KIRREL1: variants seen among roughly 807,000 people sequenced by gnomAD.
The protein encoded by KIRREL1 is kin of IRRE-like protein 1.
A neutral mutation model predicts 83.3 loss-of-function variants in KIRREL1; 25 were observed. The ratio of observed to expected loss-of-function variants is 0.30; its 90% CI spans 0.22 to 0.42. The LOEUF (loss-of-function observed/expected upper bound fraction) is 0.42. Ranked by LOEUF, KIRREL1 falls within the 10% of genes least tolerant of loss-of-function variation. The probability of loss-of-function intolerance (pLI) is 1.00; values close to 1 mark genes in which losing one functional copy is unlikely to be tolerated. For synonymous variants in KIRREL1, 388 were observed against 410.4 expected (o/e 0.95, Z 0.66); for missense variants, 812 against 1,032.3 (o/e 0.79, Z 2.92).
chr1:158,005,076 A>G (rs1366091038), intron 1 of KIRREL1, among the ~76,000 whole-genome samples: 4 of 152,232 alleles, frequency 2.6e-5, no homozygotes, highest in Non-Finnish European at 5.9e-5. Context: ...ATTCTGACTC[A>G]CAAAGTCTGG....
At chr1:158,001,962 C>G (rs918966527) in intron 1 of KIRREL1, among the ~76,000 whole-genome samples, 5 of 152,028 alleles carry the variant, frequency 3.3e-5, no homozygotes, top group Admixed American at 3.3e-4. Context: ...CCAAAGCCTC[C>G]CCTCCTCTTA....
At chr1:158,019,784 T>A (rs1287647247) in intron 1 of KIRREL1, among the ~76,000 whole-genome samples, 1 of 152,136 alleles carries the variant, frequency 6.6e-6, no homozygotes, top group Non-Finnish European at 1.5e-5. Context: ...TCTCCATCTT[T>A]TTTTCCCTTG....
intron 1 of KIRREL1, among the ~76,000 whole-genome samples, chr1:158,056,191 C>T (rs1274247770): frequency 6.6e-6 from 1 of 152,250 alleles, no homozygotes; most frequent in Non-Finnish European, 1.5e-5. Context: ...CAACACCATT[C>T]CCTTTCACCT....
intron 1 of KIRREL1, among the ~76,000 whole-genome samples, chr1:158,057,461 G>A (rs1304421470): frequency 6.6e-6 from 1 of 152,072 alleles, no homozygotes; most frequent in Non-Finnish European, 1.5e-5. Flanking sequence ...TGTCTCCAGG[G>A]CTTTTCACAG....
At chr1:158,000,468 T>TCATTCTGTAACACTGGTCCCTCTC (rs1292677083) in intron 1 of KIRREL1, among the ~76,000 whole-genome samples, 3 of 152,222 alleles carry the variant, frequency 2.0e-5, no homozygotes, top group Admixed American at 2.0e-4. Flanking sequence ...TTGGGGTTCC[T>TCATTCTGTAACACTGGTCCCTCTC]CATTCTGTAA....
In KIRREL1 at chr1:158,077,839, G is replaced by A. The variant is rs1050993191; in HGVS notation, c.203-152G>A. 2.2e-5 allele frequency: 18 copies of A among 811,280 alleles called. No homozygotes were observed. In the African/African-American group the frequency reaches 2.6e-4, roughly 12 times the overall value. The allele number at this position is 811,280 out of a possible 1,614,324, so 50.3% of individuals were successfully genotyped here. ...TGTATGGCTCCCAGCCTCGCCGTGAGGTGTCGTGGCATCAGGTGTCTGTGT... is the reference window on the plus strand; with the variant it reads ...TGTATGGCTCCCAGCCTCGCCGTGAAGTGTCGTGGCATCAGGTGTCTGTGT... On this transcript the variant is annotated intron_variant, in intron 2 of 14. Coordinates refer to ENST00000359209, the MANE Select transcript of KIRREL1 (RefSeq NM_018240.7).
chr1:158,014,513 CCTCA>C (rs1659771371), intron 1 of KIRREL1, among the ~76,000 whole-genome samples: 1 of 152,070 alleles, frequency 6.6e-6, no homozygotes, highest in African/African-American at 2.4e-5. Flanking sequence ...TACTCCTTCC[CCTCA>C]CTCACAAGGA....
chr1:158,047,615 A>C (rs1416306750), intron 1 of KIRREL1, among the ~76,000 whole-genome samples: 1 of 152,154 alleles, frequency 6.6e-6, no homozygotes, highest in Non-Finnish European at 1.5e-5. Flanking sequence ...GAGAACTTCT[A>C]ATCCTCCCCA....
chr1:158,008,443 G>C (rs528395732), intron 1 of KIRREL1, among the ~76,000 whole-genome samples: 43 of 152,254 alleles, frequency 2.8e-4, no homozygotes, highest in African/African-American at 1.0e-3. Flanking sequence ...TGTATAGGTT[G>C]GTGGCCAGAA....
chr1:158,036,573 G>A (rs1317634309), intron 1 of KIRREL1, among the ~76,000 whole-genome samples: 6 of 152,154 alleles, frequency 3.9e-5, no homozygotes, highest in Non-Finnish European at 5.9e-5. Context: ...AGAGCGGCAA[G>A]GTTCACGGAG....
At chr1:158,063,037 T>G (rs1334105756) in intron 1 of KIRREL1, among the ~76,000 whole-genome samples, 1 of 152,242 alleles carries the variant, frequency 6.6e-6, no homozygotes, top group Non-Finnish European at 1.5e-5. Context: ...GACTTTTATG[T>G]TTCTGTGTCT....
intron 1 of KIRREL1, among the ~76,000 whole-genome samples, chr1:158,027,543 T>C (rs1233331103): frequency 6.6e-6 from 1 of 152,198 alleles, no homozygotes; most frequent in East Asian, 1.9e-4. Flanking sequence ...GGTGAACACC[T>C]CTCATACTGA....
At chr1:158,076,778 A>G (rs1024263756) in intron 2 of KIRREL1, among the ~76,000 whole-genome samples, 1 of 152,244 alleles carries the variant, frequency 6.6e-6, no homozygotes, top group East Asian at 1.9e-4. Flanking sequence ...TATTCATTCA[A>G]CAAGCCTTTA....
rs1558022629 is a variant in KIRREL1, at chr1:158,097,493, C to T, written c.*2373C>T. The T allele has an allele frequency of 5.1e-6, 1 of 197,660 alleles. No individual in the cohort carries two copies. The highest frequency in any genetic ancestry group is 1.0e-5 in the Non-Finnish European group (1 of 97,694). The allele number at this position is 197,660 out of a possible 1,614,324, so 12.2% of individuals were successfully genotyped here. On this transcript the variant is annotated 3_prime_UTR_variant, in exon 15 of 15. Transcript: ENST00000359209. ...ATTGTTGAGAAAGGAAGCCTAGTTT[C>T]CAGAAGCCTGACACAGAGCTACTTC...
rs74360950 is a variant in KIRREL1, at chr1:158,081,885, G to T, written c.353-2537G>T. On this transcript the variant is annotated intron_variant, in intron 3 of 14. Transcript: ENST00000359209. Reference sequence around the variant, plus strand: ...GAAGCTGATGCCTTCCCAGCGGAGGGGCTTCACACACCCGGGCACACACCT... The same window carrying T: ...GAAGCTGATGCCTTCCCAGCGGAGGTGCTTCACACACCCGGGCACACACCT... Among the ~76,000 whole-genome samples, 40 of 152,238 alleles carry T rather than the reference G, an allele frequency of 2.6e-4. 1 individual carries two copies. In the East Asian group the frequency reaches 7.7e-3, roughly 29 times the overall value.
At chr1:158,066,946 C>G (rs1661371999) in intron 1 of KIRREL1, among the ~76,000 whole-genome samples, 1 of 152,184 alleles carries the variant, frequency 6.6e-6, no homozygotes, top group Non-Finnish European at 1.5e-5. Context: ...CCTTTCTGCT[C>G]CCACCTGTCT....
chr1:158,081,785 G>C (rs1661866237), intron 3 of KIRREL1, among the ~76,000 whole-genome samples: 1 of 152,194 alleles, frequency 6.6e-6, no homozygotes, highest in Non-Finnish European at 1.5e-5. Context: ...TCAGAGAAAG[G>C]TAGACTGCTG....
At chr1:158,083,510 G>A (rs1446320887) in intron 3 of KIRREL1, among the ~76,000 whole-genome samples, 2 of 152,252 alleles carry the variant, frequency 1.3e-5, no homozygotes, top group African/African-American at 4.8e-5. Flanking sequence ...CCCTGAACAG[G>A]AGGCCGAAAT....
chr1:158,005,832 C>T (rs888246006), intron 1 of KIRREL1, among the ~76,000 whole-genome samples: 2 of 152,128 alleles, frequency 1.3e-5, no homozygotes, highest in Admixed American at 6.6e-5. Flanking sequence ...TCACTCTCTC[C>T]CTCCCTTCTC....
Sources: allele counts gnomAD v4.1 joint callset (sites outside exome capture counted in the v4.1 genomes callset), GRCh38; gene constraint gnomAD v4.1.1; transcripts MANE v1.5; gene names NCBI Gene and HGNC (gene_info 2026-07-23, HGNC 2026-07-21).